Variants in SUMF1 observed in about 807,000 individuals in gnomAD.
SUMF1 encodes the protein sulfatase modifying factor 1, also known as formylglycine-generating enzyme.
In SUMF1, 48 loss-of-function variants were observed where a neutral mutation model predicts 47.6. That is an observed-to-expected ratio of 1.01 (90% CI 0.80 to 1.28). SUMF1 has a LOEUF of 1.28. Among genes scored for constraint, SUMF1 ranks in the 50% most tolerant of loss-of-function variants. The pLI, the probability that SUMF1 is intolerant of heterozygous loss-of-function variation, is 0.00. For missense variants in SUMF1, 571 were observed against 485.4 expected, an observed-to-expected ratio of 1.18 and a Z score of -1.66; for synonymous variants, 230 against 192.1, an observed-to-expected ratio of 1.20 and a Z score of -1.63.
chr3:4,360,693 C>T (rs947789445), downstream of SUMF1, among the ~76,000 whole-genome samples: 1 of 152,130 alleles, frequency 6.6e-6, no homozygotes, highest in Non-Finnish European at 1.5e-5. Context: ...ACAAAAGTAG[C>T]ATTCAAGTGT....
rs543894684 is a variant in SUMF1 at position 4,153,609 on chromosome 3, A to G, written c.1015-84864T>C. 2.6e-5 allele frequency among the ~76,000 whole-genome samples: 4 copies of G among 151,056 alleles called. No individual in the cohort carries two copies. In the South Asian group the frequency reaches 8.3e-4, roughly 31 times the overall value. ...TAAATAAAAAATATATTCAAGCCCT[A>G]AAAAATATTAACTTTCTTATTTACC... On this transcript the variant is annotated intron_variant and NMD_transcript_variant, in intron 8 of 12. Transcript: ENST00000448413.
intron 8 of SUMF1, among the ~76,000 whole-genome samples, chr3:4,338,607 A>G (rs745634814): frequency 1.3e-5 from 2 of 152,186 alleles, no homozygotes; most frequent in Non-Finnish European, 2.9e-5. Flanking sequence ...CATTCTGGAG[A>G]AATCAGGACG....
At chr3:4,119,705 C>T (rs1233991824) in intron 8 of SUMF1, among the ~76,000 whole-genome samples, 1 of 148,914 alleles carries the variant, frequency 6.7e-6, no homozygotes, top group African/African-American at 2.6e-5. Flanking sequence ...GCCACACACA[C>T]ATACACAAAC....
intron 8 of SUMF1, among the ~76,000 whole-genome samples, chr3:4,279,919 A>T (rs2125044614): frequency 6.6e-6 from 1 of 152,290 alleles, no homozygotes; most frequent in South Asian, 2.1e-4. Flanking sequence ...TTTTAAATTT[A>T]ATTTTGGCTA....
intron 9 of SUMF1, among the ~76,000 whole-genome samples, chr3:4,057,359 G>A (rs317534): frequency 0.88 from 133,334 of 152,024 alleles, 61,059 homozygotes; most frequent in Non-Finnish European, 1. Flanking sequence ...CGTGAGTTGG[G>A]GATGGGCAGT....
chr3:4,065,341 AAGGCCT>A (rs1292702906), intron 9 of SUMF1, among the ~76,000 whole-genome samples: 1 of 152,132 alleles, frequency 6.6e-6, no homozygotes, highest in Middle Eastern at 3.2e-3. Context: ...TCTAAAACCA[AAGGCCT>A]AGAGCCTGAA....
chr3:4,368,369 A>G (rs1168214140), intron 8 of SUMF1, among the ~76,000 whole-genome samples: 2 of 152,214 alleles, frequency 1.3e-5, no homozygotes, highest in African/African-American at 4.8e-5. Context: ...AGAAATAGAG[A>G]CACTTTTGCA....
chr3:4,409,598 G>A lies in SUMF1; in HGVS notation c.954+1267C>T, dbSNP rs116350266. Among the ~76,000 whole-genome samples, 330 of 152,278 alleles carry A rather than the reference G, an allele frequency of 2.2e-3. 1 individual carries two copies. The highest frequency in any genetic ancestry group is 3.7e-3 in the Non-Finnish European group (255 of 68,024). ...TGAAAAAAATTCTATTTCTGATTCTGACAGCAAATGCCAAGTCACATCTTG... is the reference window on the plus strand; with the variant it reads ...TGAAAAAAATTCTATTTCTGATTCTAACAGCAAATGCCAAGTCACATCTTG... On this transcript the variant is annotated intron_variant, in intron 7 of 8. Coordinates refer to ENST00000272902, the MANE Select transcript of SUMF1 (RefSeq NM_182760.4).
intron 8 of SUMF1, among the ~76,000 whole-genome samples, chr3:4,204,969 G>A (rs905030458): frequency 6.6e-6 from 1 of 152,070 alleles, no homozygotes; most frequent in African/African-American, 2.4e-5. Flanking sequence ...TCTGTCACAT[G>A]AGGATTGGTC....
chr3:4,339,412 G>C (rs1051174325), intron 8 of SUMF1, among the ~76,000 whole-genome samples: 1 of 152,226 alleles, frequency 6.6e-6, no homozygotes, highest in Admixed American at 6.5e-5. Flanking sequence ...AAAGGAAGCA[G>C]GCTGGGCAAA....
chr3:4,466,168 G>C (rs1389346391), intron 1 of SUMF1, among the ~76,000 whole-genome samples: 1 of 152,002 alleles, frequency 6.6e-6, no homozygotes, highest in Non-Finnish European at 1.5e-5. Flanking sequence ...CTGGAGTGCA[G>C]TGGCAAGATC....
rs573472775 is a variant in SUMF1, at chr3:4,394,518, T to G, written c.954+16347A>C. On this transcript the variant is annotated intron_variant, in intron 7 of 8. Coordinates refer to ENST00000272902, the MANE Select transcript of SUMF1 (RefSeq NM_182760.4). ...TATTTGGGGTTGGTTTTAAAGTAAT[T>G]CAAAGGTGTTAGATTAAACTAGATT... 4.6e-5 allele frequency among the ~76,000 whole-genome samples: 7 copies of G among 152,304 alleles called. No individual in the cohort carries two copies. The South Asian group carries it at 1.5e-3, about 32-fold the overall frequency.
At chr3:4,258,948 T>A (rs1008278300) in intron 8 of SUMF1, among the ~76,000 whole-genome samples, 1 of 146,032 alleles carries the variant, frequency 6.8e-6, no homozygotes, top group Non-Finnish European at 1.5e-5. Flanking sequence ...AAAGGATGAG[T>A]TCATGTCCTT....
intron 8 of SUMF1, among the ~76,000 whole-genome samples, chr3:4,070,413 G>T (rs984206598): frequency 2.0e-5 from 3 of 152,152 alleles, no homozygotes; most frequent in African/African-American, 7.2e-5. Context: ...ACCGTGAGAA[G>T]CCACAACGTC....
chr3:4,250,129 G>C (rs1696763495), intron 8 of SUMF1, among the ~76,000 whole-genome samples: 1 of 151,930 alleles, frequency 6.6e-6, no homozygotes. Flanking sequence ...GTTAGTGGAA[G>C]CCAAGATTGT....
chr3:4,059,196 A>T (rs1695239062), intron 9 of SUMF1, among the ~76,000 whole-genome samples: 1 of 152,184 alleles, frequency 6.6e-6, no homozygotes, highest in African/African-American at 2.4e-5. Context: ...TAAATTCAGC[A>T]TAAGGCTCAT....
chr3:4,425,400 A>C (rs984578544), intron 3 of SUMF1, among the ~76,000 whole-genome samples: 4 of 152,182 alleles, frequency 2.6e-5, no homozygotes, highest in Non-Finnish European at 5.9e-5. Context: ...CATTATTACT[A>C]CTATTCATTT....
chr3:4,380,630 ACT>A (rs1470187409), intron 7 of SUMF1, among the ~76,000 whole-genome samples: 5 of 152,092 alleles, frequency 3.3e-5, no homozygotes, highest in African/African-American at 1.2e-4. Context: ...GAACATAGGG[ACT>A]CCGCCTACAA....
intron 8 of SUMF1, among the ~76,000 whole-genome samples, chr3:4,245,075 T>G (rs773674088): frequency 3.3e-5 from 5 of 152,094 alleles, no homozygotes; most frequent in Non-Finnish European, 5.9e-5. Context: ...TGTACTGTGG[T>G]TTTCAGCTCC....
Sources: allele counts gnomAD v4.1 joint callset (sites outside exome capture counted in the v4.1 genomes callset), GRCh38; gene constraint gnomAD v4.1.1; transcripts MANE v1.5; gene names NCBI Gene and HGNC (gene_info 2026-07-23, HGNC 2026-07-21).